The following KIAA1328 variants were observed in gnomAD, a reference collection of about 807,000 sequenced individuals.
KIAA1328 encodes KIAA1328.
KIAA1328 carries 52 observed loss-of-function variants against 68.1 expected under a neutral mutation model. The observed-to-expected ratio is 0.76, with a 90% CI of 0.61 to 0.96. KIAA1328 has a LOEUF of 0.96. Ranked by LOEUF, KIAA1328 falls within the 40% of genes least tolerant of loss-of-function variation. The pLI is 0.00. For synonymous variants in KIAA1328, 232 were observed against 239.4 expected, an observed-to-expected ratio of 0.97 and a Z score of 0.28; for missense variants, 641 against 677.6, an observed-to-expected ratio of 0.95 and a Z score of 0.60.
intron 5 of KIAA1328, among the ~76,000 whole-genome samples, chr18:36,892,238 A>G (rs1373779798): frequency 2.6e-5 from 4 of 152,108 alleles, no homozygotes; most frequent in African/African-American, 9.7e-5. Flanking sequence ...AAAAGAATGT[A>G]AGTTTCAAGA....
intron 4 of KIAA1328, among the ~76,000 whole-genome samples, chr18:36,872,403 A>G (rs2047978510): frequency 6.6e-6 from 1 of 152,162 alleles, no homozygotes; most frequent in African/African-American, 2.4e-5. Flanking sequence ...TGAGAAACTC[A>G]TTAGATGGAC....
intron 6 of KIAA1328, among the ~76,000 whole-genome samples, chr18:37,016,728 C>G (rs1369698632): frequency 6.6e-6 from 1 of 152,058 alleles, no homozygotes; most frequent in Admixed American, 6.6e-5. Context: ...TCTCCATTTC[C>G]TCTAGATTTT....
chr18:37,222,069 C>A lies in KIAA1328; in HGVS notation c.1576C>A (p.Pro526Thr). Residue 526 changes from proline to threonine, a missense_variant, in exon 10 of 10, where the codon CCC becomes ACC. Pro to Thr is a conservative substitution (Grantham distance 38). Coordinates refer to ENST00000280020, the MANE Select transcript of KIAA1328 (RefSeq NM_020776.3). ...TCAGTCTCTGAGCCCAAACTCTGCG[C>A]CCAAACCTCAGCGCTATCCCTCCAG... is the stretch of plus-strand genomic sequence containing the variant. ...LVQSLSPNSA[P>T]KPQRYPSREA... 6.2e-7 allele frequency: 1 copy of A among 1,613,680 alleles called. No homozygotes were observed. The highest frequency in any genetic ancestry group is 8.5e-7 in the Non-Finnish European group (1 of 1,179,768).
At chr18:36,873,571 A>G (rs573398447) in intron 4 of KIAA1328, among the ~76,000 whole-genome samples, 1 of 152,328 alleles carries the variant, frequency 6.6e-6, no homozygotes, top group African/African-American at 2.4e-5. Flanking sequence ...CATGAATACC[A>G]GGAAACAGGG....
At chr18:36,944,406 A>G (rs1043448037) in intron 5 of KIAA1328, among the ~76,000 whole-genome samples, 25 of 152,198 alleles carry the variant, frequency 1.6e-4, no homozygotes, top group Non-Finnish European at 2.4e-4. Flanking sequence ...GTGAAACCCC[A>G]TCTCTACTAA....
intron 7 of KIAA1328, among the ~76,000 whole-genome samples, chr18:37,126,618 A>G (rs974669753): frequency 4.6e-5 from 7 of 152,156 alleles, no homozygotes; most frequent in Non-Finnish European, 7.4e-5. Flanking sequence ...TGAGGCCACC[A>G]TTACTTTGAT....
chr18:36,958,683 C>T (rs1357075845), intron 5 of KIAA1328, among the ~76,000 whole-genome samples: 3 of 152,078 alleles, frequency 2.0e-5, no homozygotes, highest in Admixed American at 6.6e-5. Context: ...TTAAATTGTA[C>T]TAATTATCTT....
At chr18:36,894,004 G>A (rs1036450296) in intron 5 of KIAA1328, among the ~76,000 whole-genome samples, 5 of 152,008 alleles carry the variant, frequency 3.3e-5, no homozygotes, top group Admixed American at 6.6e-5. Context: ...TTTCACTTAC[G>A]CATTTTTAAT....
chr18:36,897,427 A>G (rs1248777173), intron 5 of KIAA1328, among the ~76,000 whole-genome samples: 2 of 152,100 alleles, frequency 1.3e-5, no homozygotes, highest in Non-Finnish European at 2.9e-5. Context: ...GGTTGTATCT[A>G]TGAGACTTTG....
At chr18:37,225,915 A>G (rs1318087698), downstream of KIAA1328, among the ~76,000 whole-genome samples, 5 of 152,094 alleles carry the variant, frequency 3.3e-5, no homozygotes, top group African/African-American at 1.2e-4. Context: ...ACAGCTCCCA[A>G]ACTGAAAATG....
In KIAA1328 at chr18:37,222,597, A is replaced by C; in HGVS notation, c.*370A>C. The C allele has an allele frequency of 9.6e-7, 1 of 1,045,202 alleles. No homozygotes were observed. The highest frequency in any genetic ancestry group is 1.2e-6 in the Non-Finnish European group (1 of 867,282). The allele number at this position is 1,045,202 out of a possible 1,614,324, so 64.7% of individuals were successfully genotyped here. A position where few individuals can be genotyped will look rare whatever the true frequency, so the allele number is the denominator to read the frequency against. On this transcript the variant is annotated 3_prime_UTR_variant, in exon 10 of 10. Coordinates refer to ENST00000280020, the MANE Select transcript of KIAA1328 (RefSeq NM_020776.3). ...TGACTCACTTTTATATACAAGAAAA[A>C]CCTTTCCACTGAAAAATCCCTCTGA...
intron 5 of KIAA1328, among the ~76,000 whole-genome samples, chr18:36,901,695 A>G (rs990781530): frequency 3.9e-5 from 6 of 152,028 alleles, no homozygotes; most frequent in Admixed American, 2.6e-4. Flanking sequence ...TTCAAAATGC[A>G]AGGTTGGCAG....
At chr18:37,063,095 G>C (rs1304843672) in intron 6 of KIAA1328, among the ~76,000 whole-genome samples, 14 of 147,646 alleles carry the variant, frequency 9.5e-5, no homozygotes, top group African/African-American at 3.5e-4. Context: ...GTGCAGGTTT[G>C]TTACATATGT....
intron 7 of KIAA1328, chr18:37,084,178 T>C: frequency 7.2e-6 from 11 of 1,527,044 alleles, no homozygotes; most frequent in Non-Finnish European, 5.2e-6. Context: ...GAAAAACAGC[T>C]TACTAAACCC....
chr18:36,909,446 C>G (rs1478494870), intron 5 of KIAA1328, among the ~76,000 whole-genome samples: 3 of 152,122 alleles, frequency 2.0e-5, no homozygotes, highest in African/African-American at 7.2e-5. Context: ...ATCCATGTCC[C>G]TACAAAGGAC....
At chr18:37,176,750 A>C (rs1263728117) in intron 9 of KIAA1328, among the ~76,000 whole-genome samples, 1 of 152,234 alleles carries the variant, frequency 6.6e-6, no homozygotes, top group Non-Finnish European at 1.5e-5. Flanking sequence ...CAAATGAATG[A>C]GTCAGAGTTT....
intron 5 of KIAA1328, among the ~76,000 whole-genome samples, chr18:36,931,785 A>G (rs2050318788): frequency 6.6e-6 from 1 of 152,032 alleles, no homozygotes. Flanking sequence ...TTTAGGGAAT[A>G]TATACTGTGA....
chr18:37,214,442 C>G (rs1404986154), intron 9 of KIAA1328, among the ~76,000 whole-genome samples: 9 of 152,090 alleles, frequency 5.9e-5, no homozygotes, highest in Non-Finnish European at 1.3e-4. Flanking sequence ...TCAGGTTTGT[C>G]AAAGATCAGA....
intron 7 of KIAA1328, among the ~76,000 whole-genome samples, chr18:37,151,723 T>C (rs189039565): frequency 6.6e-6 from 1 of 152,214 alleles, no homozygotes; most frequent in East Asian, 1.9e-4. Context: ...TGGATACAAA[T>C]ATGGGGAAGA....
Sources: gnomAD v4.1 joint callset for allele counts (sites outside exome capture counted in the v4.1 genomes callset) on GRCh38, gnomAD v4.1.1 for gene constraint, MANE v1.5 for transcripts, NCBI Gene and HGNC (gene_info 2026-07-23, HGNC 2026-07-21) for gene names.